Variants in ADAMTSL3 observed in about 807,000 individuals in gnomAD.
The protein encoded by ADAMTSL3 is ADAMTS like 3, also known as ADAMTS-like protein 3.
In ADAMTSL3, 128 loss-of-function variants were observed where a neutral mutation model predicts 201.7. The ratio of observed to expected loss-of-function variants is 0.63; its 90% CI spans 0.55 to 0.73. ADAMTSL3 has a LOEUF of 0.73. ADAMTSL3 is among the 30% of genes least tolerant of loss of function. The pLI is 0.00. For synonymous variants in ADAMTSL3, 738 were observed against 748.4 expected (o/e 0.99, Z 0.23); for missense variants, 1,990 against 2,119.6 (o/e 0.94, Z 1.20).
At chr15:83,824,921 C>T (rs1010541824) in intron 6 of ADAMTSL3, 1 of 152,146 alleles carries the variant, frequency 6.6e-6, no homozygotes, top group Non-Finnish European at 1.5e-5. Flanking sequence ...CCATGCTAAT[C>T]ATCTCTGTAT....
At chr15:83,992,002 T>C (rs1039947788) in intron 23 of ADAMTSL3, among the ~76,000 whole-genome samples, 4 of 152,226 alleles carry the variant, frequency 2.6e-5, no homozygotes, top group Admixed American at 6.5e-5. Context: ...GAGAAACTTA[T>C]GAACTCCTCC....
At chr15:83,664,455 C>T (rs903441792) in intron 2 of ADAMTSL3, among the ~76,000 whole-genome samples, 6 of 152,130 alleles carry the variant, frequency 3.9e-5, no homozygotes, top group African/African-American at 7.2e-5. Flanking sequence ...CCTCTCACTG[C>T]GCTCTCTTGC....
chr15:83,884,195 A>G (rs559133024), intron 9 of ADAMTSL3, among the ~76,000 whole-genome samples: 249 of 149,802 alleles, frequency 1.7e-3, no homozygotes, highest in Admixed American at 4.9e-3. Flanking sequence ...GCCTGGCCAC[A>G]TTAATCTTTT....
chr15:83,752,515 A>G (rs1463830857), intron 3 of ADAMTSL3, among the ~76,000 whole-genome samples: 1 of 152,238 alleles, frequency 6.6e-6, no homozygotes, highest in Non-Finnish European at 1.5e-5. Flanking sequence ...ACATACACGC[A>G]CAAATTTTCT....
intron 6 of ADAMTSL3, among the ~76,000 whole-genome samples, chr15:83,820,286 C>T (rs1278477088): frequency 1.3e-5 from 2 of 152,088 alleles, no homozygotes; most frequent in Non-Finnish European, 2.9e-5. Flanking sequence ...TTATGTTGGC[C>T]AGGCTGATCT....
chr15:83,740,021 C>A, intron 3 of ADAMTSL3: 1 of 380,834 alleles, frequency 2.6e-6, no homozygotes, highest in East Asian at 5.9e-5. Flanking sequence ...AGAGTTCACA[C>A]TGACACCTAT....
intron 26 of ADAMTSL3, among the ~76,000 whole-genome samples, chr15:84,022,437 TCTAA>T (rs1404295297): frequency 1.3e-5 from 2 of 152,254 alleles, no homozygotes; most frequent in African/African-American, 4.8e-5. Context: ...TTATAAAGTG[TCTAA>T]CTCAGTACCT....
intron 10 of ADAMTSL3, among the ~76,000 whole-genome samples, chr15:83,886,354 G>A (rs1304900812): frequency 1.3e-5 from 2 of 152,124 alleles, no homozygotes; most frequent in Non-Finnish European, 2.9e-5. Context: ...TCAAGCCAAG[G>A]GTTAGATGTT....
chr15:83,890,021 A>G, intron 10 of ADAMTSL3, 88 bp from the exon 11 acceptor site: 1 of 1,099,782 alleles, frequency 9.1e-7, no homozygotes, highest in African/African-American at 1.7e-5. Context: ...CTTAAAGAGG[A>G]AAAAAAAAAG....
At chr15:83,977,286 T>G (rs1161949690) in intron 20 of ADAMTSL3, among the ~76,000 whole-genome samples, 1 of 138,044 alleles carries the variant, frequency 7.2e-6, no homozygotes, top group African/African-American at 3.6e-5. Flanking sequence ...GTGGAAAAAC[T>G]GTTTTCTATG....
intron 14 of ADAMTSL3, among the ~76,000 whole-genome samples, chr15:83,899,299 G>T (rs1276905406): frequency 6.6e-6 from 1 of 152,092 alleles, no homozygotes; most frequent in African/African-American, 2.4e-5. Flanking sequence ...AATAAAATGT[G>T]ACCAAAGATA....
chr15:83,830,132 G>T (rs900143952), intron 6 of ADAMTSL3, among the ~76,000 whole-genome samples: 9 of 152,154 alleles, frequency 5.9e-5, no homozygotes, highest in Admixed American at 3.9e-4. Flanking sequence ...CATTCATCAA[G>T]ACAAAATATT....
intron 6 of ADAMTSL3, among the ~76,000 whole-genome samples, chr15:83,823,818 A>G (rs1380885154): frequency 6.6e-5 from 10 of 151,918 alleles, no homozygotes; most frequent in Admixed American, 6.6e-4. Context: ...ATTCTTGTCT[A>G]TCTCCTTTAG....
Position 83,873,908 on chromosome 15 carries a change from T to A in ADAMTSL3, c.960+2949T>A, listed in dbSNP as rs1419714457. Among the ~76,000 whole-genome samples, 3 of 145,366 alleles carry A rather than the reference T, an allele frequency of 2.1e-5. 1 individual carries two copies. Among genetic ancestry groups the A allele is most frequent in the African/African-American group, 7.9e-5 (3 of 38,024 alleles). The stretch of plus-strand genomic sequence containing the variant: ...TTTCATGATTAAAGTAGGGTTATTA[T>A]TATTTTTAGCTTAGTCTTTTGTTTT... On this transcript the variant is annotated intron_variant, in intron 9 of 29. Transcript: ENST00000286744.
intron 16 of ADAMTSL3, among the ~76,000 whole-genome samples, chr15:83,914,045 C>T (rs767649111): frequency 2.6e-5 from 4 of 152,286 alleles, no homozygotes; most frequent in Non-Finnish European, 4.4e-5. Flanking sequence ...ATAGAAATAA[C>T]AAATAAGAAA....
intron 3 of ADAMTSL3, among the ~76,000 whole-genome samples, chr15:83,772,305 C>T (rs2062997478): frequency 6.6e-6 from 1 of 152,186 alleles, no homozygotes. Context: ...ATTGAGTCTA[C>T]TCATTCAGGA....
At chr15:83,899,551 C>G (rs1325754932) in intron 14 of ADAMTSL3, 96 bp from the exon 15 acceptor site, 4 of 1,252,694 alleles carry the variant, frequency 3.2e-6, no homozygotes, top group Non-Finnish European at 4.4e-6. Context: ...AACATGACCT[C>G]TTTATAAATG....
intron 4 of ADAMTSL3, among the ~76,000 whole-genome samples, chr15:83,793,894 G>T (rs956558228): frequency 1.3e-5 from 2 of 152,094 alleles, no homozygotes; most frequent in South Asian, 4.1e-4. Context: ...TGAGATCAAC[G>T]GGAGAAAATA....
chr15:83,746,095 G>A (rs1368730447), intron 3 of ADAMTSL3, among the ~76,000 whole-genome samples: 2 of 152,074 alleles, frequency 1.3e-5, no homozygotes, highest in Admixed American at 6.5e-5. Context: ...TGGGTTGGCC[G>A]TTCCTCTTAT....
Sources: allele counts gnomAD v4.1 joint callset (sites outside exome capture counted in the v4.1 genomes callset), GRCh38; gene constraint gnomAD v4.1.1; transcripts MANE v1.5; gene names NCBI Gene and HGNC (gene_info 2026-07-23, HGNC 2026-07-21).